DEPTOR: variants seen among roughly 807,000 people sequenced by gnomAD.
DEPTOR encodes the protein DEP domain containing MTOR interacting protein.
A neutral mutation model predicts 41.6 loss-of-function variants in DEPTOR; 41 were observed. The observed-to-expected ratio is 0.98, with a 90% CI of 0.77 to 1.28. DEPTOR has a LOEUF of 1.28. Among genes scored for constraint, DEPTOR ranks in the 50% most tolerant of loss-of-function variants. DEPTOR has a pLI of 0.00. For synonymous variants in DEPTOR, 195 were observed against 192.3 expected (o/e 1.01, Z -0.12); for missense variants, 514 against 527.9 (o/e 0.97, Z 0.26).
At chr8:120,012,862 T>A (rs1213793159) in intron 8 of DEPTOR, among the ~76,000 whole-genome samples, 1 of 151,916 alleles carries the variant, frequency 6.6e-6, no homozygotes, top group Non-Finnish European at 1.5e-5. Context: ...TACAATCTTA[T>A]AAGATGATGG....
At chr8:119,891,496 TAGG>T (rs763972783) in intron 1 of DEPTOR, among the ~76,000 whole-genome samples, 12 of 152,106 alleles carry the variant, frequency 7.9e-5, no homozygotes, top group Non-Finnish European at 1.5e-4. Flanking sequence ...TGAGAAAACT[TAGG>T]AGATGTTAGT....
chr8:119,957,459 C>G (rs1172106128), intron 3 of DEPTOR, among the ~76,000 whole-genome samples: 1 of 152,108 alleles, frequency 6.6e-6, no homozygotes, highest in African/African-American at 2.4e-5. Context: ...AACCAGAAAA[C>G]TGAGGACGCT....
intron 1 of DEPTOR, among the ~76,000 whole-genome samples, chr8:119,886,387 G>C (rs756168873): frequency 2.6e-5 from 4 of 152,014 alleles, no homozygotes; most frequent in African/African-American, 9.7e-5. Flanking sequence ...TTCCTGAGTC[G>C]GTGGGATTGT....
At chr8:119,888,980 C>A (rs933675866) in intron 1 of DEPTOR, among the ~76,000 whole-genome samples, 1 of 150,164 alleles carries the variant, frequency 6.7e-6, no homozygotes, top group African/African-American at 2.5e-5. Flanking sequence ...AATGCCTGGG[C>A]GGAAAAGGGC....
At chr8:119,874,555 C>T (rs1827208356) in intron 1 of DEPTOR, 1 of 152,538 alleles carries the variant, frequency 6.6e-6, no homozygotes, top group Admixed American at 6.5e-5. Context: ...AACCCTGCAC[C>T]TATCAGTTAA....
intron 1 of DEPTOR, among the ~76,000 whole-genome samples, chr8:119,893,849 C>T (rs182613360): frequency 5.9e-5 from 9 of 152,260 alleles, no homozygotes; most frequent in African/African-American, 1.9e-4. Flanking sequence ...TGCTACCCTA[C>T]CAGTGTTCCT....
chr8:119,925,814 G>A (rs907343903), intron 1 of DEPTOR, among the ~76,000 whole-genome samples: 31 of 152,182 alleles, frequency 2.0e-4, no homozygotes, highest in South Asian at 4.1e-4. Context: ...CAGTAGAGAC[G>A]GGGTTTCACC....
rs186994537 is a variant in DEPTOR, at chr8:119,949,889, C to T, written c.426-15343C>T. On this transcript the variant is annotated intron_variant, in intron 3 of 8. Transcript: ENST00000286234. The stretch of plus-strand genomic sequence containing the variant: ...GAGACAGGGTTTCACTATGTTGGCC[C>T]GGCTGGTCTTGAACTCCTGACCTCA... Among the ~76,000 whole-genome samples, 410 of 151,928 alleles carry T rather than the reference C, an allele frequency of 2.7e-3. 2 individuals carry two copies. Among genetic ancestry groups the T allele is most frequent in the African/African-American group, 8.3e-3 (344 of 41,420 alleles).
At chr8:119,969,358 TTG>T (rs1828604554) in intron 4 of DEPTOR, among the ~76,000 whole-genome samples, 1 of 151,702 alleles carries the variant, frequency 6.6e-6, no homozygotes, top group African/African-American at 2.4e-5. Flanking sequence ...TTGTTTTTTT[TTG>T]TTTTTTTTTT....
At chr8:119,935,536 C>G (rs1311626092) in intron 3 of DEPTOR, among the ~76,000 whole-genome samples, 1 of 152,084 alleles carries the variant, frequency 6.6e-6, no homozygotes, top group Non-Finnish European at 1.5e-5. Flanking sequence ...GCCTGGCCAA[C>G]AGGGTGAAAC....
intron 1 of DEPTOR, among the ~76,000 whole-genome samples, chr8:119,879,959 T>A (rs915189216): frequency 6.6e-6 from 1 of 152,000 alleles, no homozygotes; most frequent in Non-Finnish European, 1.5e-5. Context: ...CTGGCCAAGA[T>A]GGTGAAACCT....
At chr8:120,041,617 A>C (rs1169518791) in intron 8 of DEPTOR, among the ~76,000 whole-genome samples, 2 of 152,096 alleles carry the variant, frequency 1.3e-5, no homozygotes, top group Admixed American at 1.3e-4. Flanking sequence ...AGCTCACTAC[A>C]ACCTCTGCCT....
At chr8:119,956,759 AAG>A (rs1351183769) in intron 3 of DEPTOR, among the ~76,000 whole-genome samples, 1 of 107,858 alleles carries the variant, frequency 9.3e-6, no homozygotes, top group Non-Finnish European at 1.8e-5. Flanking sequence ...TTTTTAGATG[AAG>A]TCTCATTCTG....
intron 1 of DEPTOR, among the ~76,000 whole-genome samples, chr8:119,925,278 G>A (rs1335011926): frequency 2.0e-5 from 3 of 151,978 alleles, no homozygotes; most frequent in Admixed American, 1.3e-4. Flanking sequence ...TAATCCCCAC[G>A]ACTTGGGAGA....
intron 6 of DEPTOR, among the ~76,000 whole-genome samples, chr8:120,004,914 G>A (rs564839836): frequency 6.6e-6 from 1 of 151,610 alleles, no homozygotes; most frequent in East Asian, 1.9e-4. Context: ...ACCAGGATAT[G>A]TTTTTTTAGT....
intron 1 of DEPTOR, among the ~76,000 whole-genome samples, chr8:119,884,535 A>ACCAAT: frequency 6.6e-6 from 1 of 150,696 alleles, no homozygotes; most frequent in South Asian, 2.1e-4. Context: ...AGAAAAGGCA[A>ACCAAT]TTTGCAAAGA....
intron 3 of DEPTOR, among the ~76,000 whole-genome samples, chr8:119,934,367 G>A (rs562560066): frequency 1.4e-4 from 21 of 152,310 alleles, no homozygotes; most frequent in Non-Finnish European, 2.9e-4. Context: ...GCCCTTTCAA[G>A]TTGCCCCAGT....
At chr8:119,915,182 G>A (rs1325379299) in intron 1 of DEPTOR, among the ~76,000 whole-genome samples, 1 of 151,556 alleles carries the variant, frequency 6.6e-6, no homozygotes, top group East Asian at 1.9e-4. Flanking sequence ...GGCCAGGATG[G>A]TCTTGATCTC....
At chr8:119,894,794 T>C (rs1827495119) in intron 1 of DEPTOR, among the ~76,000 whole-genome samples, 1 of 152,208 alleles carries the variant, frequency 6.6e-6, no homozygotes, top group Non-Finnish European at 1.5e-5. Context: ...AATTGGACTT[T>C]CATAGAAAGT....
Sources: gnomAD v4.1 joint callset for allele counts (sites outside exome capture counted in the v4.1 genomes callset) on GRCh38, gnomAD v4.1.1 for gene constraint, MANE v1.5 for transcripts, NCBI Gene and HGNC (gene_info 2026-07-23, HGNC 2026-07-21) for gene names.